The following PATJ variants were observed in gnomAD, a reference collection of about 807,000 sequenced individuals.
PATJ encodes the protein PATJ crumbs cell polarity complex component.
PATJ carries 190 observed loss-of-function variants against 224.9 expected under a neutral mutation model. That is an observed-to-expected ratio of 0.84 (90% confidence interval 0.75 to 0.95). PATJ has a LOEUF of 0.95. PATJ is among the 40% of genes least tolerant of loss of function. The pLI is 0.00. For missense variants in PATJ, 2,121 were observed against 2,270.3 expected, an observed-to-expected ratio of 0.93 and a Z score of 1.34; for synonymous variants, 769 against 820.3, an observed-to-expected ratio of 0.94 and a Z score of 1.07.
intron 14 of PATJ, among the ~76,000 whole-genome samples, chr1:61,817,769 G>C (rs1370580615): frequency 6.6e-6 from 1 of 152,202 alleles, no homozygotes; most frequent in Non-Finnish European, 1.5e-5. Context: ...GCACACCTAA[G>C]TTCGGAGGCC....
chr1:61,891,225 T>G (rs1258331390), intron 22 of PATJ, among the ~76,000 whole-genome samples: 2 of 152,010 alleles, frequency 1.3e-5, no homozygotes, highest in African/African-American at 4.8e-5. Context: ...TTAGGAATAG[T>G]GGGAGGAGAA....
At chr1:62,053,979 A>C (rs550224578) in intron 31 of PATJ, among the ~76,000 whole-genome samples, 1 of 152,308 alleles carries the variant, frequency 6.6e-6, no homozygotes, top group South Asian at 2.1e-4. Flanking sequence ...TCATGGACTC[A>C]TTCCACAGTT....
intron 25 of PATJ, 99 bp from the exon 26 acceptor site, chr1:61,914,488 G>T: frequency 1.8e-6 from 1 of 568,716 alleles, no homozygotes; most frequent in Non-Finnish European, 3.2e-6. Context: ...TGTAATGATT[G>T]AAAAAAAATT....
intron 41 of PATJ, among the ~76,000 whole-genome samples, chr1:62,136,136 T>C (rs1471218007): frequency 1.4e-5 from 2 of 146,362 alleles, no homozygotes; most frequent in Admixed American, 1.4e-4. Context: ...TAAGCAATTC[T>C]CCTGCCTCAG....
intron 30 of PATJ, among the ~76,000 whole-genome samples, chr1:62,044,887 A>G (rs1043870246): frequency 1.1e-4 from 16 of 152,164 alleles, no homozygotes; most frequent in Non-Finnish European, 2.1e-4. Context: ...GACTAAAATT[A>G]TTTTGTGTGT....
At chr1:62,051,367 T>C (rs1476155094) in intron 31 of PATJ, among the ~76,000 whole-genome samples, 1 of 152,126 alleles carries the variant, frequency 6.6e-6, no homozygotes, top group Non-Finnish European at 1.5e-5. Flanking sequence ...TGGAGCGCAG[T>C]GGCTGGAGCA....
intron 25 of PATJ, among the ~76,000 whole-genome samples, chr1:61,914,268 C>T (rs1244047273): frequency 6.6e-6 from 1 of 152,116 alleles, no homozygotes; most frequent in Admixed American, 6.5e-5. Context: ...GCAGCTTGGC[C>T]AACATGGTGA....
chr1:62,075,745 C>T lies in PATJ; in HGVS notation c.4126-3705C>T, dbSNP rs12085955. ...CATTCTCACTAACACGGTGAAACCC[C>T]GTCTCTACTAAAAATACAAAAAATT... On this transcript the variant is annotated intron_variant, in intron 31 of 43. Coordinates refer to ENST00000642238, the MANE Select transcript of PATJ (RefSeq NM_001350145.3). 7.9e-3 allele frequency among the ~76,000 whole-genome samples: 1,201 copies of T among 152,000 alleles called. 13 individuals carry two copies. Among genetic ancestry groups the T allele is most frequent in the African/African-American group, 0.028 (1,145 of 41,460 alleles).
At chr1:62,122,148 T>G (rs1204413220) in intron 38 of PATJ, among the ~76,000 whole-genome samples, 1 of 151,764 alleles carries the variant, frequency 6.6e-6, no homozygotes, top group Non-Finnish European at 1.5e-5. Flanking sequence ...GCGGATCACC[T>G]GAGGTCAGGA....
intron 43 of PATJ, 136 bp downstream of exon 43, chr1:62,153,617 G>A (rs2149048597): frequency 6.2e-6 from 3 of 482,664 alleles, no homozygotes; most frequent in African/African-American, 2.0e-5. Context: ...AATCTTATAG[G>A]AAATTCTCAC....
chr1:61,963,243 A>G (rs1681579501), intron 27 of PATJ, among the ~76,000 whole-genome samples: 2 of 152,190 alleles, frequency 1.3e-5, no homozygotes. Context: ...TTAGGCACGT[A>G]TTTTGTATAT....
chr1:61,779,145 CT>C (rs1350919796), intron 7 of PATJ, among the ~76,000 whole-genome samples: 1 of 152,170 alleles, frequency 6.6e-6, no homozygotes, highest in African/African-American at 2.4e-5. Context: ...GTGGATTCAT[CT>C]TTACCAGATT....
intron 43 of PATJ, among the ~76,000 whole-genome samples, chr1:62,156,529 CA>C (rs1009277887): frequency 2.5e-4 from 33 of 133,562 alleles, no homozygotes; most frequent in Middle Eastern, 4.4e-3. Flanking sequence ...GACTCAGTCT[CA>C]AAAAAAAAAC....
chr1:61,949,142 A>G (rs1173220032), intron 27 of PATJ, among the ~76,000 whole-genome samples: 1 of 152,000 alleles, frequency 6.6e-6, no homozygotes, highest in Non-Finnish European at 1.5e-5. Context: ...GTGCAGCACA[A>G]CATGACACAT....
rs1660056047 is a variant in PATJ, at chr1:62,086,869, A to T, written c.4377+2221A>T. 1.3e-5 allele frequency among the ~76,000 whole-genome samples: 2 copies of T among 152,144 alleles called. No homozygotes were observed. Among genetic ancestry groups the T allele is most frequent in the South Asian group, 4.1e-4 (2 of 4,826 alleles). On this transcript the variant is annotated intron_variant, in intron 33 of 43. Transcript: ENST00000642238. The surrounding 1 kb of genome is among the most constrained non-coding windows in gnomAD (Gnocchi z 4.0). ...GCTGGCTGCTTTGGGTGCCGGCAGG[A>T]GCAGGCTCTGTGGGGTCCCCTCGGC...
chr1:61,923,500 T>G (rs1004593421), intron 26 of PATJ, among the ~76,000 whole-genome samples: 1 of 152,194 alleles, frequency 6.6e-6, no homozygotes, highest in Non-Finnish European at 1.5e-5. Flanking sequence ...TTTTTTTTGT[T>G]TATCTTATTT....
At chr1:62,069,891 T>TAA (rs34216034) in intron 31 of PATJ, among the ~76,000 whole-genome samples, 2 of 151,900 alleles carry the variant, frequency 1.3e-5, no homozygotes, top group Non-Finnish European at 1.5e-5. Flanking sequence ...GCATTCTTAA[T>TAA]AAAAAAATGA....
chr1:61,995,496 G>C (rs933430435), intron 28 of PATJ, among the ~76,000 whole-genome samples: 3 of 152,116 alleles, frequency 2.0e-5, no homozygotes, highest in Non-Finnish European at 2.9e-5. Flanking sequence ...CAGAAACTCA[G>C]CTTCTCTTTG....
intron 28 of PATJ, among the ~76,000 whole-genome samples, chr1:61,992,969 A>G (rs774558818): frequency 1.9e-4 from 29 of 152,212 alleles, no homozygotes; most frequent in Non-Finnish European, 3.2e-4. Context: ...CCACATACCA[A>G]GCAATTCTTC....
Sources: allele counts gnomAD v4.1 joint callset (sites outside exome capture counted in the v4.1 genomes callset), GRCh38; gene constraint gnomAD v4.1.1; non-coding constraint Gnocchi (gnomAD v3.1); transcripts MANE v1.5; gene names NCBI Gene and HGNC (gene_info 2026-07-23, HGNC 2026-07-21).